Variants in LRRC4C observed in about 807,000 individuals in gnomAD.
LRRC4C encodes leucine-rich repeat-containing protein 4C.
In LRRC4C, 5 loss-of-function variants were observed where a neutral mutation model predicts 33.6. The ratio of observed to expected loss-of-function variants is 0.15; its 90% CI spans 0.08 to 0.31. The LOEUF is 0.31. Ranked by LOEUF, LRRC4C falls within the 10% of genes least tolerant of loss-of-function variation. The pLI is 1.00. For synonymous variants in LRRC4C, 329 were observed against 302.0 expected (o/e 1.09, Z -0.93); for missense variants, 560 against 796.7 (o/e 0.70, Z 3.58).
In LRRC4C at chr11:40,677,556, G is replaced by A. The variant is rs1591441138; in HGVS notation, c.-406-29278C>T. Among the ~76,000 whole-genome samples the A allele has an allele frequency of 3.3e-5, 5 of 152,262 alleles. No individual in the cohort carries two copies. The South Asian group carries it at 1.0e-3, about 32-fold the overall frequency. Reference sequence around the variant, plus strand: ...TGATTATGTATAGATACAGTAACTAGAGAAATTTTTTAGTTTTAGGAGGAA... The same window carrying A: ...TGATTATGTATAGATACAGTAACTAAAGAAATTTTTTAGTTTTAGGAGGAA... On this transcript the variant is annotated intron_variant, in intron 2 of 6. Coordinates refer to ENST00000528697, the MANE Select transcript of LRRC4C (RefSeq NM_001258419.2).
intron 3 of LRRC4C, among the ~76,000 whole-genome samples, chr11:40,350,000 C>T (rs1386530943): frequency 6.6e-6 from 1 of 152,030 alleles, no homozygotes; most frequent in Admixed American, 6.6e-5. Flanking sequence ...AGTCCCTTGT[C>T]AGATGTAGAG....
At chr11:40,255,124 T>C (rs781493909) in intron 4 of LRRC4C, among the ~76,000 whole-genome samples, 1 of 152,098 alleles carries the variant, frequency 6.6e-6, no homozygotes, top group Non-Finnish European at 1.5e-5. Flanking sequence ...AATTTTCTGA[T>C]AAATGCTTTG....
intron 1 of LRRC4C, among the ~76,000 whole-genome samples, chr11:41,347,313 T>C (rs958824889): frequency 1.3e-5 from 2 of 152,280 alleles, no homozygotes; most frequent in Admixed American, 1.3e-4. Flanking sequence ...TGAACTATAG[T>C]GTTCATTTGC....
At chr11:41,066,566 C>T (rs991931440) in intron 1 of LRRC4C, among the ~76,000 whole-genome samples, 1 of 151,914 alleles carries the variant, frequency 6.6e-6, no homozygotes, top group South Asian at 2.1e-4. Context: ...AATACAGACA[C>T]CACTAAGATA....
chr11:41,181,111 T>C (rs182975869), intron 1 of LRRC4C, among the ~76,000 whole-genome samples: 4 of 152,234 alleles, frequency 2.6e-5, no homozygotes, highest in South Asian at 2.1e-4. Context: ...GTGAGTGAAA[T>C]AGCATTCCCT....
At chr11:40,981,370 C>T (rs1034359215) in intron 1 of LRRC4C, among the ~76,000 whole-genome samples, 1 of 151,476 alleles carries the variant, frequency 6.6e-6, no homozygotes, top group African/African-American at 2.4e-5. Context: ...GCAGAGATCA[C>T]GCCACTGCAT....
intron 1 of LRRC4C, among the ~76,000 whole-genome samples, chr11:41,330,664 T>C (rs561226192): frequency 1.1e-4 from 17 of 152,282 alleles, no homozygotes; most frequent in African/African-American, 4.1e-4. Flanking sequence ...CTCGGCCACC[T>C]GGGCTCAAGC....
intron 3 of LRRC4C, among the ~76,000 whole-genome samples, chr11:40,327,638 T>G (rs564408195): frequency 1.3e-5 from 2 of 152,206 alleles, no homozygotes; most frequent in South Asian, 4.1e-4. Context: ...AGCCATTCCC[T>G]TAATAAACAT....
At chr11:40,817,516 G>C (rs1249148250) in intron 2 of LRRC4C, among the ~76,000 whole-genome samples, 1 of 152,120 alleles carries the variant, frequency 6.6e-6, no homozygotes, top group Non-Finnish European at 1.5e-5. Flanking sequence ...TGATGCAAGG[G>C]TTGCATGGTT....
In LRRC4C at chr11:41,084,385, G is replaced by T. The variant is rs75118419; in HGVS notation, c.-495-150662C>A. 5.0e-3 allele frequency among the ~76,000 whole-genome samples: 759 copies of T among 152,244 alleles called. 5 individuals are homozygous for T. The highest frequency in any genetic ancestry group is 0.018 in the African/African-American group (733 of 41,548). ...TCAATAGTTTCTGTCTCTAAGGCTT[G>T]CTGTGAGGGTGAAAGAAGATACTAT... On this transcript the variant is annotated intron_variant, in intron 1 of 6. Coordinates refer to ENST00000528697, the MANE Select transcript of LRRC4C (RefSeq NM_001258419.2).
chr11:40,985,476 C>A (rs1198956136), intron 1 of LRRC4C, among the ~76,000 whole-genome samples: 1 of 8,472 alleles, frequency 1.2e-4, no homozygotes, highest in African/African-American at 1.2e-4. Context: ...CTATAAAGAA[C>A]ATTTTTTTTT....
intron 1 of LRRC4C, among the ~76,000 whole-genome samples, chr11:41,164,950 C>A (rs115276922): frequency 0.016 from 2,435 of 152,208 alleles, 74 homozygotes; most frequent in African/African-American, 0.056. Flanking sequence ...TTGTTCCTTG[C>A]TCTCCCAGGA....
At chr11:40,430,772 A>G (rs1244856056) in intron 3 of LRRC4C, among the ~76,000 whole-genome samples, 3 of 152,110 alleles carry the variant, frequency 2.0e-5, no homozygotes, top group Non-Finnish European at 4.4e-5. Context: ...AGCACCATTT[A>G]TTAAATGAGT....
At chr11:41,180,955 G>A (rs368201071) in intron 1 of LRRC4C, among the ~76,000 whole-genome samples, 3 of 151,858 alleles carry the variant, frequency 2.0e-5, no homozygotes, top group South Asian at 2.1e-4. Flanking sequence ...CATGAGTTGC[G>A]AATTCTAGTT....
rs533071794 is a variant in LRRC4C at position 40,171,579 on chromosome 11, G to A, written c.-95-30726C>T. Among the ~76,000 whole-genome samples, 8 of 151,750 alleles carry A rather than the reference G, an allele frequency of 5.3e-5. No homozygotes were observed. The South Asian group carries it at 1.7e-3, about 32-fold the overall frequency. On this transcript the variant is annotated intron_variant, in intron 5 of 6. Coordinates refer to ENST00000528697, the MANE Select transcript of LRRC4C (RefSeq NM_001258419.2). ...CTTATGTCATATACCACATAAAAAA[G>A]GGGTCTTTATAAGCATAGAAATGAT...
chr11:41,035,941 T>C (rs895690240), intron 1 of LRRC4C, among the ~76,000 whole-genome samples: 5 of 152,096 alleles, frequency 3.3e-5, no homozygotes, highest in Admixed American at 1.3e-4. Context: ...TTAGGGAAAC[T>C]CATAAATATT....
intron 2 of LRRC4C, among the ~76,000 whole-genome samples, chr11:40,777,389 T>C (rs1172114030): frequency 6.6e-6 from 1 of 152,014 alleles, no homozygotes; most frequent in African/African-American, 2.4e-5. Flanking sequence ...ACTTGTTTTA[T>C]GAATCTTGGT....
chr11:40,145,534 T>G (rs953359350), intron 5 of LRRC4C, among the ~76,000 whole-genome samples: 1 of 152,164 alleles, frequency 6.6e-6, no homozygotes. Context: ...GTTCATTCAG[T>G]TACAGAGTTA....
chr11:41,204,196 T>G (rs539436521), intron 1 of LRRC4C, among the ~76,000 whole-genome samples: 2 of 152,366 alleles, frequency 1.3e-5, no homozygotes, highest in African/African-American at 4.8e-5. Context: ...AGAGCCATGA[T>G]GTATACTGCA....
Sources: gnomAD v4.1 joint callset for allele counts (sites outside exome capture counted in the v4.1 genomes callset) on GRCh38, gnomAD v4.1.1 for gene constraint, MANE v1.5 for transcripts, NCBI Gene and HGNC (gene_info 2026-07-23, HGNC 2026-07-21) for gene names.